AGO1: variants seen among roughly 807,000 people sequenced by gnomAD.
The protein encoded by AGO1 is protein argonaute-1.
In AGO1, 11 loss-of-function variants were observed where a neutral mutation model predicts 109.2. The ratio of observed to expected loss-of-function variants is 0.10; its 90% CI spans 0.06 to 0.17. AGO1 has a LOEUF of 0.17. Among genes scored for constraint, AGO1 ranks in the 10% least tolerant of loss-of-function variants. The pLI, the probability that AGO1 is intolerant of heterozygous loss-of-function variation, is 1.00. For missense variants in AGO1, 574 were observed against 1,140.3 expected, an observed-to-expected ratio of 0.50 and a Z score of 7.15; for synonymous variants, 422 against 418.6, an observed-to-expected ratio of 1.01 and a Z score of -0.10.
intron 12 of AGO1, among the ~76,000 whole-genome samples, chr1:35,912,044 A>G (rs905412108): frequency 3.7e-4 from 56 of 152,154 alleles, no homozygotes; most frequent in Middle Eastern, 3.4e-3. Context: ...TTACTATGTT[A>G]TCTTCCTTAG....
Position 35,902,262 on chromosome 1 carries a change from A to G in AGO1, c.1322A>G (p.Tyr441Cys). 1 of 1,614,182 alleles carries G rather than the reference A, an allele frequency of 6.2e-7. No individual in the cohort carries two copies. The highest frequency in any genetic ancestry group is 1.1e-5 in the South Asian group (1 of 91,074). The change falls in exon 11 of 19, where the codon TAC becomes TGC. Residue 441 changes from tyrosine (Y) to cysteine (C), a missense_variant. Tyr to Cys is a radical substitution (Grantham distance 194, BLOSUM62 -2). Transcript: ENST00000373204. The stretch of plus-strand genomic sequence containing the variant: ...TGGGACATGCGGGGGAAACAGTTCT[A>G]CAATGGGATTGAGATCAAAGTCTGG... ...GVWDMRGKQF[Y>C]NGIEIKVWAI...
intron 8 of AGO1, among the ~76,000 whole-genome samples, chr1:35,900,774 G>A (rs1177750787): frequency 6.6e-6 from 1 of 151,996 alleles, no homozygotes; most frequent in Non-Finnish European, 1.5e-5. Context: ...GCGAGGCATG[G>A]TGGCGGGTGC....
intron 12 of AGO1, among the ~76,000 whole-genome samples, chr1:35,912,184 C>T (rs1163191590): frequency 6.6e-6 from 1 of 151,902 alleles, no homozygotes; most frequent in African/African-American, 2.4e-5. Context: ...GGTGAAACCC[C>T]ATCTCTACTA....
chr1:35,870,283 GTTTTTTGTTTTTTTTTTTGAGACGGAGTC>G (rs1644937566), intron 1 of AGO1, among the ~76,000 whole-genome samples: 1 of 150,972 alleles, frequency 6.6e-6, no homozygotes, highest in East Asian at 1.9e-4. Flanking sequence ...TTTTGTTGTT[GTTTTTTGTTTTTTTTTTTGAGACGGAGTC>G]TCACTCTGTC....
chr1:35,883,594 CAG>C lies in AGO1; in HGVS notation c.25+149_25+150del, dbSNP rs1645067633. ...GGCCCAGTTTGAAGGAGGCTGTGTGCAGTTCCGGGGGAGAACCATGTGAAGAG... is the reference window on the plus strand; with the variant it reads ...GGCCCAGTTTGAAGGAGGCTGTGTGCTTCCGGGGGAGAACCATGTGAAGAG... On this transcript the variant is annotated intron_variant, in intron 1 of 18. Coordinates refer to ENST00000373204, the MANE Select transcript of AGO1 (RefSeq NM_012199.5). This position sits in a 1 kb window ranked among gnomAD's most constrained non-coding sequence, Gnocchi z 5.4. 2.4e-6 allele frequency: 3 copies of C among 1,265,170 alleles called. No individual in the cohort carries two copies. In the Middle Eastern group the frequency reaches 6.6e-4, roughly 280 times the overall value. 78.4% of individuals were successfully genotyped at this position (1,265,170 alleles called of 1,614,324 possible).
At chr1:35,902,481 A>C (rs1645435477) in intron 11 of AGO1, 144 bp downstream of exon 11, 1 of 1,134,712 alleles carries the variant, frequency 8.8e-7, no homozygotes, top group Non-Finnish European at 1.2e-6. Context: ...TCAAACTTCT[A>C]CCAATTCTTT....
Position 35,901,897 on chromosome 1 carries a change from C to G in AGO1, c.1141-51C>G. The G allele has an allele frequency of 6.5e-7, 1 of 1,538,398 alleles. No homozygotes were observed. The highest frequency in any genetic ancestry group is 8.7e-7 in the Non-Finnish European group (1 of 1,143,256). On this transcript the variant is annotated intron_variant, in intron 9 of 18. Coordinates refer to ENST00000373204, the MANE Select transcript of AGO1 (RefSeq NM_012199.5). This position sits in a 1 kb window ranked among gnomAD's most constrained non-coding sequence, Gnocchi z 4.8. ...CTCTCCTTGATACCCAGAGGGTGAG[C>G]AGTATTGCCAAGCTCCTGTTCTCCT...
rs1645874686 is a variant in AGO1 at position 35,923,715 on chromosome 1, C to G, written c.*4108C>G. The G allele has an allele frequency of 1.3e-5, 2 of 152,614 alleles. No individual in the cohort carries two copies. The highest frequency in any genetic ancestry group is 2.9e-5 in the Non-Finnish European group (2 of 68,036). 9.5% of individuals were successfully genotyped at this position (152,614 alleles called of 1,614,324 possible). A position where few individuals can be genotyped will look rare whatever the true frequency, so the allele number is the denominator to read the frequency against. On this transcript the variant is annotated 3_prime_UTR_variant, in exon 19 of 19. Transcript: ENST00000373204. ...GGCAGGGAGAGAGGCTGGGTTGGTG[C>G]TCTCCCTTACTCTACTCATACTGAC...
intron 11 of AGO1, among the ~76,000 whole-genome samples, chr1:35,904,721 G>C (rs1471349834): frequency 1.3e-5 from 2 of 152,184 alleles, no homozygotes; most frequent in Non-Finnish European, 2.9e-5. Context: ...TTCTGACTGG[G>C]CTAAAGGTAA....
At position 35,901,866 on chromosome 1, in the gene AGO1, A is replaced by AG. The variant is rs1254584191; in HGVS notation, c.1141-79dup. The AG allele has an allele frequency of 6.6e-7, 1 of 1,508,770 alleles. No homozygotes were observed. 93.5% of individuals were successfully genotyped at this position (1,508,770 alleles called of 1,614,324 possible). On this transcript the variant is annotated intron_variant, in intron 9 of 18. Transcript: ENST00000373204. This position sits in a 1 kb window ranked among gnomAD's most constrained non-coding sequence, Gnocchi z 4.8. Reference sequence around the variant, plus strand: ...TCCGTACCAACCCCAGCTTCTCCTTAGGGTTCTCTCCTTGATACCCAGAGG... The same window carrying AG: ...TCCGTACCAACCCCAGCTTCTCCTTAGGGGTTCTCTCCTTGATACCCAGAGG...
At position 35,904,327 on chromosome 1, in the gene AGO1, G is replaced by C. The variant is rs778646827; in HGVS notation, c.1397+1990G>C. Reference sequence around the variant, plus strand: ...TCACCATGTTAACCAGGATGGTCTCGATCTCCTGACCTCATGATCCACCCG... The same window carrying C: ...TCACCATGTTAACCAGGATGGTCTCCATCTCCTGACCTCATGATCCACCCG... On this transcript the variant is annotated intron_variant, in intron 11 of 18. Coordinates refer to ENST00000373204, the MANE Select transcript of AGO1 (RefSeq NM_012199.5). Among the ~76,000 whole-genome samples, 23 of 152,012 alleles carry C rather than the reference G, an allele frequency of 1.5e-4. 1 individual carries two copies. Among genetic ancestry groups the C allele is most frequent in the Non-Finnish European group, 2.6e-4 (18 of 67,964 alleles).
intron 15 of AGO1, among the ~76,000 whole-genome samples, chr1:35,916,122 T>C (rs1426171077): frequency 6.6e-6 from 1 of 152,118 alleles, no homozygotes; most frequent in Non-Finnish European, 1.5e-5. Flanking sequence ...CTATGTGCCA[T>C]GAACTGTCCT....
rs1645808158 is a variant in AGO1 at position 35,920,284 on chromosome 1, A to T, written c.*677A>T. 1 of 152,158 alleles carries T rather than the reference A, an allele frequency of 6.6e-6. No individual in the cohort carries two copies. The highest frequency in any genetic ancestry group is 1.5e-5 in the Non-Finnish European group (1 of 68,028). 9.4% of individuals were successfully genotyped at this position (152,158 alleles called of 1,614,324 possible). The stretch of plus-strand genomic sequence containing the variant: ...TGCCCCACCTTACTTCTCCTCCCTG[A>T]CAGACATCCAGCCCCTAGTAATACT... On this transcript the variant is annotated 3_prime_UTR_variant, in exon 19 of 19. Coordinates refer to ENST00000373204, the MANE Select transcript of AGO1 (RefSeq NM_012199.5).
chr1:35,893,938 A>G lies in AGO1; in HGVS notation c.650-99A>G, dbSNP rs1329320943. ...TACAGCCCTGGCACCCCCTTCCCCC[A>G]TCCCAATGCCCTTTAAGGAAGAGGG... is the stretch of plus-strand genomic sequence containing the variant. On this transcript the variant is annotated intron_variant, in intron 5 of 18. Transcript: ENST00000373204. The surrounding 1 kb of genome is among the most constrained non-coding windows in gnomAD (Gnocchi z 5.6). 1 of 1,522,096 alleles carries G rather than the reference A, an allele frequency of 6.6e-7. No homozygotes were observed. The highest frequency in any genetic ancestry group is 8.8e-7 in the Non-Finnish European group (1 of 1,131,226). 94.3% of individuals were successfully genotyped at this position (1,522,096 alleles called of 1,614,324 possible).
At position 35,907,094 on chromosome 1, in the gene AGO1, C is replaced by T; in HGVS notation, c.1557C>T (p.Ile519=). Reference sequence around the variant, plus strand: ...CAGGGCTGCAGCTCATTATTGTCATCCTGCCAGGGAAGACGCCGGTGTATG... The same window carrying T: ...CAGGGCTGCAGCTCATTATTGTCATTCTGCCAGGGAAGACGCCGGTGTATG... ...TYSGLQLIIV[I]LPGKTPVYAE... The change falls in exon 12 of 19, where the codon ATC becomes ATT. Residue 519 remains isoleucine (I), a synonymous_variant. Transcript: ENST00000373204. 1.2e-6 allele frequency: 2 copies of T among 1,613,766 alleles called. No individual in the cohort carries two copies. The highest frequency in any genetic ancestry group is 1.7e-6 in the Non-Finnish European group (2 of 1,179,802).
intron 14 of AGO1, 34 bp from the exon 15 acceptor site, chr1:35,915,309 GAAGGT>G: frequency 6.3e-7 from 1 of 1,579,964 alleles, no homozygotes; most frequent in South Asian, 1.1e-5. Flanking sequence ...CAGTGAAGGT[GAAGGT>G]TCTAGGAGCT....
chr1:35,906,827 C>G, intron 11 of AGO1, 108 bp from the exon 12 acceptor site: 2 of 803,334 alleles, frequency 2.5e-6, no homozygotes, highest in Non-Finnish European at 3.7e-6. Context: ...AAAAAAAAAC[C>G]AATCTCTCAG....
intron 10 of AGO1, 53 bp from the exon 11 acceptor site, chr1:35,902,151 A>G: frequency 6.3e-7 from 1 of 1,594,470 alleles, no homozygotes; most frequent in Admixed American, 1.7e-5. Context: ...TTGCTCCCCT[A>G]CCCACCTGAC....
rs1229745842 is a variant in AGO1, at chr1:35,920,915, T to C, written c.*1308T>C. The stretch of plus-strand genomic sequence containing the variant: ...TGCCAAAATTTGGAAATCCTTCCCA[T>C]GCCTGATGAGTTTATATCCCAGAAA... On this transcript the variant is annotated 3_prime_UTR_variant, in exon 19 of 19. Coordinates refer to ENST00000373204, the MANE Select transcript of AGO1 (RefSeq NM_012199.5). 1.3e-5 allele frequency: 2 copies of C among 152,684 alleles called. No homozygotes were observed. The highest frequency in any genetic ancestry group is 1.3e-4 in the Admixed American group (2 of 15,286). 9.5% of individuals were successfully genotyped at this position (152,684 alleles called of 1,614,324 possible). A position where few individuals can be genotyped will look rare whatever the true frequency, so the allele number is the denominator to read the frequency against.
Sources: gnomAD v4.1 joint callset for allele counts (sites outside exome capture counted in the v4.1 genomes callset) on GRCh38, gnomAD v4.1.1 for gene constraint, Gnocchi (gnomAD v3.1) non-coding constraint, MANE v1.5 for transcripts, NCBI Gene and HGNC (gene_info 2026-07-23, HGNC 2026-07-21) for gene names.